FAM118B: variants seen among roughly 807,000 people sequenced by gnomAD.
The protein encoded by FAM118B is protein FAM118B.
Under a neutral mutation model 38.5 loss-of-function variants are expected in FAM118B, and 24 were observed. The observed-to-expected ratio is 0.62, with a 90% CI of 0.45 to 0.88. The LOEUF (loss-of-function observed/expected upper bound fraction) is 0.88, where lower values mean the gene tolerates loss of function less well. Among genes scored for constraint, FAM118B ranks in the 40% least tolerant of loss-of-function variants. The pLI is 0.00. For missense variants in FAM118B, 334 were observed against 420.0 expected, an observed-to-expected ratio of 0.80 and a Z score of 1.79; for synonymous variants, 138 against 156.3, an observed-to-expected ratio of 0.88 and a Z score of 0.87.
intron 2 of FAM118B, among the ~76,000 whole-genome samples, chr11:126,230,169 T>C (rs1950190357): frequency 6.6e-6 from 1 of 152,180 alleles, no homozygotes. Flanking sequence ...GAGGAAACCG[T>C]GAGTTTGCTT....
In FAM118B at chr11:126,250,718, T is replaced by C; in HGVS notation, c.552T>C (p.Leu184=). Reference sequence around the variant, plus strand: ...GGAAACAGCTTGAATCCCTTGACCTTACTGATGAGAAAAAGGTAAAAAGTA... The same window carrying C: ...GGAAACAGCTTGAATCCCTTGACCTCACTGATGAGAAAAAGGTAAAAAGTA... The part of the protein sequence containing the change: ...DQGKQLESLD[L]TDEKKVLEWA... The change falls in exon 5 of 9, where the codon CTT becomes CTC. Residue 184 remains leucine (L), a synonymous_variant. Coordinates refer to ENST00000533050, the MANE Select transcript of FAM118B (RefSeq NM_024556.4). The surrounding 1 kb of genome is among the most constrained non-coding windows in gnomAD (Gnocchi z 5.1). 1 of 1,612,758 alleles carries C rather than the reference T, an allele frequency of 6.2e-7. No individual in the cohort carries two copies. The highest frequency in any genetic ancestry group is 1.7e-5 in the Admixed American group (1 of 59,948).
At chr11:126,233,691 A>C (rs1261549768) in intron 2 of FAM118B, 1 of 455,124 alleles carries the variant, frequency 2.2e-6, no homozygotes, top group African/African-American at 2.0e-5. Context: ...TGATATAAAG[A>C]AGAATTACAC....
chr11:126,234,962 T>C (rs1950253530), intron 2 of FAM118B, 33 bp from the exon 3 acceptor site: 1 of 1,505,686 alleles, frequency 6.6e-7, no homozygotes, highest in East Asian at 2.3e-5. Flanking sequence ...TTTACAGATC[T>C]AATTGTGGTT....
At chr11:126,218,054 C>T (rs695077) in intron 1 of FAM118B, among the ~76,000 whole-genome samples, 27,708 of 152,152 alleles carry the variant, frequency 0.18, 2,662 homozygotes, top group South Asian at 0.22. Flanking sequence ...TTCTCACAGA[C>T]GGTTTTGATT....
At chr11:126,254,526 C>A in intron 6 of FAM118B, 93 bp downstream of exon 6, 1 of 1,522,766 alleles carries the variant, frequency 6.6e-7, no homozygotes, top group Non-Finnish European at 9.0e-7. Flanking sequence ...ATCTTCTTTT[C>A]ATTAAGTGAA....
intron 1 of FAM118B, among the ~76,000 whole-genome samples, chr11:126,216,410 C>T (rs1949979698): frequency 6.6e-6 from 1 of 152,162 alleles, no homozygotes; most frequent in Admixed American, 6.5e-5. Context: ...AACCGTTTCT[C>T]TGCCCTCCCT....
In FAM118B at chr11:126,241,035, A is replaced by C. The variant is rs767568136; in HGVS notation, c.330A>C (p.Lys110Asn). 2 of 1,591,884 alleles carry C rather than the reference A, an allele frequency of 1.3e-6. No individual in the cohort carries two copies. The highest frequency in any genetic ancestry group is 8.6e-7 in the Non-Finnish European group (1 of 1,167,678). Residue 110 changes from lysine (K) to asparagine (N), a missense_variant, in exon 4 of 9, where the codon AAA becomes AAC. By Grantham distance (94) the Lys-to-Asn change is moderately conservative. Coordinates refer to ENST00000533050, the MANE Select transcript of FAM118B (RefSeq NM_024556.4). ...LVHVAHDLIQ[K>N]LSPRTSNVRS... ...ATGTTGCCCATGACCTTATCCAGAA[A>C]CTCTCTCCTGTGAGTACCCTAGTAT...
intron 1 of FAM118B, among the ~76,000 whole-genome samples, chr11:126,221,756 G>T (rs756212855): frequency 2.0e-4 from 30 of 152,228 alleles, no homozygotes; most frequent in Non-Finnish European, 3.8e-4. Context: ...AAACAGGGAA[G>T]ACCTCCCACT....
chr11:126,249,502 G>A (rs937101739), intron 4 of FAM118B, among the ~76,000 whole-genome samples: 11 of 151,990 alleles, frequency 7.2e-5, no homozygotes, highest in Non-Finnish European at 1.2e-4. Context: ...GGAGGCTGAG[G>A]TGAGTGGATC....
intron 3 of FAM118B, among the ~76,000 whole-genome samples, chr11:126,237,680 TAAAAAAAAAA>T (rs544480250): frequency 1.2e-5 from 1 of 85,908 alleles, no homozygotes; most frequent in East Asian, 3.6e-4. Flanking sequence ...CTGTCTCTAC[TAAAAAAAAAA>T]AAAAAAAAAA....
chr11:126,223,237 A>G (rs569675555), intron 1 of FAM118B, among the ~76,000 whole-genome samples: 86 of 152,248 alleles, frequency 5.6e-4, no homozygotes, highest in Non-Finnish European at 9.7e-4. Flanking sequence ...GATGAGGAGT[A>G]TGTTATTAAA....
At chr11:126,236,676 T>C (rs978957852) in intron 3 of FAM118B, among the ~76,000 whole-genome samples, 4 of 152,160 alleles carry the variant, frequency 2.6e-5, no homozygotes, top group Non-Finnish European at 5.9e-5. Context: ...CAATGTTTTT[T>C]CTATTCCACA....
chr11:126,215,781 G>C (rs966088644), intron 1 of FAM118B, among the ~76,000 whole-genome samples: 3 of 151,504 alleles, frequency 2.0e-5, no homozygotes, highest in Non-Finnish European at 4.4e-5. Flanking sequence ...AGGCCTAGCG[G>C]GGAGGATCTT....
At position 126,256,790 on chromosome 11, in the gene FAM118B, A is replaced by G. The variant is rs767405870; in HGVS notation, c.920A>G (p.Tyr307Cys). Reference protein sequence around the residue: ...GIKVISYGDDYADLPEYFKRL... With the variant: ...GIKVISYGDDCADLPEYFKRL... ...AAAGTCATCTCCTATGGAGATGACT[A>G]TGCCGATCTTCCAGAATATTTCAAG... The change falls in exon 7 of 9, where the codon TAT becomes TGT. Residue 307 changes from tyrosine to cysteine, a missense_variant. Tyr to Cys is a radical substitution (Grantham distance 194). Around this residue, in one of 3 missense-constraint regions of FAM118B, gnomAD observed 88 missense variants for 98.1 expected, o/e 0.90. Coordinates refer to ENST00000533050, the MANE Select transcript of FAM118B (RefSeq NM_024556.4). This position sits in a 1 kb window ranked among gnomAD's most constrained non-coding sequence, Gnocchi z 6.6. The G allele has an allele frequency of 6.2e-7, 1 of 1,613,284 alleles. No homozygotes were observed. The highest frequency in any genetic ancestry group is 1.7e-5 in the Admixed American group (1 of 59,948).
intron 1 of FAM118B, among the ~76,000 whole-genome samples, chr11:126,226,712 G>T (rs1406613312): frequency 6.6e-6 from 1 of 152,170 alleles, no homozygotes. Context: ...AGGTGCAGTG[G>T]CTCACACCTG....
chr11:126,243,287 CAAACA>C (rs1950380977), intron 4 of FAM118B, among the ~76,000 whole-genome samples: 1 of 152,084 alleles, frequency 6.6e-6, no homozygotes, highest in Non-Finnish European at 1.5e-5. Context: ...ATAACAAAAC[CAAACA>C]AAAGACATCA....
At position 126,214,514 on chromosome 11, in the gene FAM118B, G is replaced by GTTTT. The variant is rs71048770; in HGVS notation, c.-77+2694_-77+2697dup. 4 of 41,516 alleles carry GTTTT rather than the reference G, an allele frequency of 9.6e-5. 1 individual carries two copies. Among genetic ancestry groups the GTTTT allele is most frequent in the Non-Finnish European group, 2.1e-4 (4 of 18,820 alleles). The allele number at this position is 41,516 out of a possible 1,614,324, so 2.6% of individuals were successfully genotyped here. On this transcript the variant is annotated intron_variant, in intron 1 of 8. Transcript: ENST00000533050. ...TGTTTTTTTTTTTTGTTTTTTTTTT[G>GTTTT]TTTTTTTTTTTTTACCTCTATATTG...
At chr11:126,232,639 A>T (rs544807007) in intron 2 of FAM118B, among the ~76,000 whole-genome samples, 1 of 152,026 alleles carries the variant, frequency 6.6e-6, no homozygotes, top group South Asian at 2.1e-4. Context: ...TAAGCACCTA[A>T]GTTTTTTCCT....
rs544959184 is a variant in FAM118B, at chr11:126,240,822, G to C, written c.117G>C (p.Lys39Asn). The C allele has an allele frequency of 6.2e-7, 1 of 1,608,462 alleles. No homozygotes were observed. The highest frequency in any genetic ancestry group is 1.3e-5 in the African/African-American group (1 of 74,588). The change falls in exon 4 of 9, where the codon AAG becomes AAC. Residue 39 changes from lysine to asparagine, a missense_variant. Physicochemically the swap from Lys to Asn is moderately conservative, Grantham distance 94. This residue lies in a region of FAM118B where 240 missense variants were observed against 295.9 expected (regional missense o/e 0.81). Coordinates refer to ENST00000533050, the MANE Select transcript of FAM118B (RefSeq NM_024556.4). Reference sequence around the variant, plus strand: ...TGCTTCCAAGCTTAAAAACTAAGAAGCCTCGAGAACTTGTGCTAGTGATTG... The same window carrying C: ...TGCTTCCAAGCTTAAAAACTAAGAACCCTCGAGAACTTGTGCTAGTGATTG... ...RKLLPSLKTK[K>N]PRELVLVIGT...
Sources: gnomAD v4.1 joint callset for allele counts (sites outside exome capture counted in the v4.1 genomes callset) on GRCh38, gnomAD v4.1.1 for gene constraint, gnomAD v4.1.1 regional missense constraint, Gnocchi (gnomAD v3.1) non-coding constraint, MANE v1.5 for transcripts, NCBI Gene and HGNC (gene_info 2026-07-23, HGNC 2026-07-21) for gene names.